Variants in KAZN observed in about 807,000 individuals in gnomAD.
KAZN encodes kazrin.
A neutral mutation model predicts 87.4 loss-of-function variants in KAZN; 40 were observed. The observed-to-expected ratio is 0.46, with a 90% CI of 0.36 to 0.60. The LOEUF (loss-of-function observed/expected upper bound fraction) is 0.60, where lower values mean the gene tolerates loss of function less well. Among genes scored for constraint, KAZN ranks in the 20% least tolerant of loss-of-function variants. The pLI is 0.00. For missense variants in KAZN, 898 were observed against 1,073.9 expected (o/e 0.84, Z 2.29); for synonymous variants, 466 against 458.3 (o/e 1.02, Z -0.22).
At chr1:14,946,177 AG>A (rs1661747165) in intron 1 of KAZN, 2 of 152,436 alleles carry the variant, frequency 1.3e-5, no homozygotes, top group Admixed American at 1.3e-4. Context: ...TTTACAGGTG[AG>A]GAAGTGGAGG....
chr1:14,385,719 A>T (rs960226690), intron 2 of KAZN, among the ~76,000 whole-genome samples: 2 of 150,012 alleles, frequency 1.3e-5, no homozygotes, highest in African/African-American at 4.9e-5. Flanking sequence ...TGCTGAGGAG[A>T]GCTTTACTTC....
At chr1:13,919,012 T>C (rs188559625) in intron 1 of KAZN, among the ~76,000 whole-genome samples, 58 of 152,250 alleles carry the variant, frequency 3.8e-4, no homozygotes, top group African/African-American at 1.3e-3. Flanking sequence ...CTCAGCAAAG[T>C]AGACAATTAA....
At chr1:14,655,432 T>A (rs1239801765) in intron 1 of KAZN, among the ~76,000 whole-genome samples, 1 of 152,232 alleles carries the variant, frequency 6.6e-6, no homozygotes, top group Non-Finnish European at 1.5e-5. Flanking sequence ...ATCTTTCTTG[T>A]CCCTTTGATA....
chr1:14,328,730 A>T lies in KAZN; in HGVS notation c.249+148138A>T, dbSNP rs989195870. On this transcript the variant is annotated intron_variant, in intron 2 of 16. Coordinates refer to the KAZN transcript ENST00000636203. ...AAAAAAAGAAACTCTAAGAATACTTAAGAAGACATCCCTAACTGAAAAAAA... is the reference window on the plus strand; with the variant it reads ...AAAAAAAGAAACTCTAAGAATACTTTAGAAGACATCCCTAACTGAAAAAAA... Among the ~76,000 whole-genome samples, 14 of 129,946 alleles carry T rather than the reference A, an allele frequency of 1.1e-4. No homozygotes were observed. In the Admixed American group the frequency reaches 1.1e-3, roughly 10 times the overall value. 85.2% of individuals were successfully genotyped at this position (129,946 alleles called of 152,430 possible).
chr1:14,033,773 G>A (rs571432049), intron 1 of KAZN, among the ~76,000 whole-genome samples: 3 of 152,218 alleles, frequency 2.0e-5, no homozygotes, highest in Admixed American at 1.3e-4. Context: ...AGAAGCCCAT[G>A]TCAAGCAAAG....
chr1:14,849,901 A>C (rs955966803), intron 1 of KAZN, among the ~76,000 whole-genome samples: 1 of 151,974 alleles, frequency 6.6e-6, no homozygotes, highest in Non-Finnish European at 1.5e-5. Context: ...TACTGCTTGC[A>C]ATAAAGAAAG....
chr1:15,042,736 C>T (rs1573155568), intron 3 of KAZN, among the ~76,000 whole-genome samples: 1 of 152,164 alleles, frequency 6.6e-6, no homozygotes, highest in African/African-American at 2.4e-5. Flanking sequence ...GAAAAGGCCA[C>T]GTTCTCCCTC....
intron 1 of KAZN, among the ~76,000 whole-genome samples, chr1:13,932,684 A>C (rs1028494283): frequency 5.9e-5 from 9 of 152,224 alleles, no homozygotes; most frequent in African/African-American, 2.2e-4. Context: ...CCACAGTAAC[A>C]CAGCTAGTAA....
At chr1:14,322,706 G>A (rs1656130702) in intron 2 of KAZN, among the ~76,000 whole-genome samples, 1 of 152,200 alleles carries the variant, frequency 6.6e-6, no homozygotes, top group South Asian at 2.1e-4. Context: ...GCCATGGAAG[G>A]GAGAGAGGAG....
chr1:14,738,765 C>T (rs921892689), intron 1 of KAZN, among the ~76,000 whole-genome samples: 2 of 151,952 alleles, frequency 1.3e-5, no homozygotes, highest in Admixed American at 6.6e-5. Flanking sequence ...AAAAAATCCC[C>T]GTGAAGTGAG....
intron 2 of KAZN, among the ~76,000 whole-genome samples, chr1:14,401,757 A>G (rs768178421): frequency 6.6e-6 from 1 of 152,178 alleles, no homozygotes; most frequent in Non-Finnish European, 1.5e-5. Flanking sequence ...AGGAAAAATA[A>G]TATCATTAGT....
chr1:14,540,072 G>C (rs1271735192), intron 2 of KAZN, among the ~76,000 whole-genome samples: 1 of 152,136 alleles, frequency 6.6e-6, no homozygotes, highest in Non-Finnish European at 1.5e-5. Flanking sequence ...AGACGAAATT[G>C]CTTTACATAA....
chr1:14,001,112 A>T (rs1024348943), intron 1 of KAZN, among the ~76,000 whole-genome samples: 1 of 152,154 alleles, frequency 6.6e-6, no homozygotes, highest in Non-Finnish European at 1.5e-5. Context: ...AAACCCCATC[A>T]TCTCAGCCCC....
chr1:14,554,978 G>T (rs1303200631), intron 2 of KAZN, among the ~76,000 whole-genome samples: 1 of 152,182 alleles, frequency 6.6e-6, no homozygotes, highest in Non-Finnish European at 1.5e-5. Context: ...GAGTTCCTTA[G>T]CTCCTTTTAG....
At chr1:14,025,114 G>C (rs1223646544) in intron 1 of KAZN, among the ~76,000 whole-genome samples, 4 of 152,228 alleles carry the variant, frequency 2.6e-5, no homozygotes, top group African/African-American at 7.2e-5. Context: ...AAACAGAACA[G>C]GTCACTGGTT....
chr1:14,549,316 C>T (rs1673358281), intron 2 of KAZN, among the ~76,000 whole-genome samples: 1 of 152,178 alleles, frequency 6.6e-6, no homozygotes, highest in Non-Finnish European at 1.5e-5. Flanking sequence ...TAAAAATACT[C>T]AACCCACAGT....
chr1:14,567,455 A>C (rs1674612475), intron 2 of KAZN, among the ~76,000 whole-genome samples: 1 of 152,244 alleles, frequency 6.6e-6, no homozygotes, highest in South Asian at 2.1e-4. Flanking sequence ...AGAGACACAA[A>C]GTGAGCACAT....
intron 2 of KAZN, among the ~76,000 whole-genome samples, chr1:14,473,261 ATTTC>A (rs1309814982): frequency 2.2e-4 from 33 of 152,114 alleles, no homozygotes; most frequent in African/African-American, 7.7e-4. Context: ...CTAAAGGTTT[ATTTC>A]TTGTTTATCT....
chr1:13,914,145 A>C (rs1051327849), intron 1 of KAZN, among the ~76,000 whole-genome samples: 10 of 152,352 alleles, frequency 6.6e-5, no homozygotes, highest in African/African-American at 2.4e-4. Context: ...CCCAGTAGGA[A>C]TAGTCAGGGT....
Sources: gnomAD v4.1 joint callset for allele counts (sites outside exome capture counted in the v4.1 genomes callset) on GRCh38, gnomAD v4.1.1 for gene constraint, MANE v1.5 for transcripts, NCBI Gene and HGNC (gene_info 2026-07-23, HGNC 2026-07-21) for gene names.